FMNL2: variants seen among roughly 807,000 people sequenced by gnomAD.
The protein encoded by FMNL2 is formin like 2.
A neutral mutation model predicts 130.2 loss-of-function variants in FMNL2; 51 were observed. The observed-to-expected ratio is 0.39, with a 90% CI of 0.31 to 0.49. The LOEUF is 0.49. Among genes scored for constraint, FMNL2 ranks in the 20% least tolerant of loss-of-function variants. The pLI is 0.85. For synonymous variants in FMNL2, 465 were observed against 467.1 expected (o/e 1.00, Z 0.06); for missense variants, 977 against 1,316.2 (o/e 0.74, Z 3.99).
At chr2:152,606,595 C>T (rs1698365435) in intron 9 of FMNL2, among the ~76,000 whole-genome samples, 1 of 149,764 alleles carries the variant, frequency 6.7e-6, no homozygotes, top group Admixed American at 6.7e-5. Flanking sequence ...AAAAAAGTCC[C>T]CAGAGAGTCA....
intron 2 of FMNL2, among the ~76,000 whole-genome samples, chr2:152,527,929 G>C (rs1020206817): frequency 6.6e-6 from 1 of 152,134 alleles, no homozygotes; most frequent in Admixed American, 6.5e-5. Flanking sequence ...TAGTATTAGA[G>C]ATGAGGAAGT....
rs1199394283 is a variant in FMNL2, at chr2:152,335,341, C to T, written c.-263C>T. 3 of 217,224 alleles carry T rather than the reference C, an allele frequency of 1.4e-5. No homozygotes were observed. The highest frequency in any genetic ancestry group is 4.6e-5 in the African/African-American group (2 of 43,182). 13.5% of individuals were successfully genotyped at this position (217,224 alleles called of 1,614,324 possible). A position where few individuals can be genotyped will look rare whatever the true frequency, so the allele number is the denominator to read the frequency against. ...CAGCGGAGCACCATGCACATAGGCG[C>T]CCAGCGCCCCAACTACCCCTCCCGA... On this transcript the variant is annotated 5_prime_UTR_variant, in exon 1 of 26. Transcript: ENST00000288670.
At chr2:152,414,927 T>C (rs1316939839) in intron 1 of FMNL2, among the ~76,000 whole-genome samples, 1 of 152,166 alleles carries the variant, frequency 6.6e-6, no homozygotes, top group African/African-American at 2.4e-5. Context: ...GATGGAGACC[T>C]TGGGTGTCTA....
intron 2 of FMNL2, among the ~76,000 whole-genome samples, chr2:152,534,716 G>A (rs1274168916): frequency 6.6e-6 from 1 of 152,066 alleles, no homozygotes; most frequent in Non-Finnish European, 1.5e-5. Context: ...AGTAAGAGGA[G>A]TAGGATTAAA....
chr2:152,635,508 A>G (rs192290899), intron 21 of FMNL2, among the ~76,000 whole-genome samples: 6 of 152,388 alleles, frequency 3.9e-5, no homozygotes, highest in Admixed American at 3.9e-4. Context: ...TCATTAGCAA[A>G]AAAAGTGAGA....
At chr2:152,564,776 G>GTTTTTT (rs56378937) in intron 6 of FMNL2, among the ~76,000 whole-genome samples, 4,087 of 79,116 alleles carry the variant, frequency 0.052, 347 homozygotes, top group African/African-American at 0.13. Context: ...TACAAGGTTG[G>GTTTTTT]TTTTTTTTTT....
intron 1 of FMNL2, among the ~76,000 whole-genome samples, chr2:152,349,124 C>T (rs572286294): frequency 4.8e-5 from 6 of 125,840 alleles, no homozygotes; most frequent in Admixed American, 7.3e-5. Flanking sequence ...CGTGAGCCAC[C>T]GCGCCCGGCC....
At chr2:152,336,007 C>T (rs2105700517) in intron 1 of FMNL2, among the ~76,000 whole-genome samples, 1 of 151,914 alleles carries the variant, frequency 6.6e-6, no homozygotes, top group East Asian at 1.9e-4. Flanking sequence ...GGCGCGTGTG[C>T]CCGGGAGGTG....
chr2:152,559,805 T>G (rs1393240407), intron 5 of FMNL2, among the ~76,000 whole-genome samples: 2 of 152,148 alleles, frequency 1.3e-5, no homozygotes, highest in African/African-American at 4.8e-5. Flanking sequence ...CAGTTAAAAT[T>G]TTATTAGATT....
intron 1 of FMNL2, among the ~76,000 whole-genome samples, chr2:152,514,772 C>A (rs577028073): frequency 1.3e-5 from 2 of 152,264 alleles, no homozygotes; most frequent in East Asian, 1.9e-4. Context: ...CTCTCTCTCA[C>A]AAAATATCTT....
chr2:152,484,045 C>T (rs942681221), intron 1 of FMNL2, among the ~76,000 whole-genome samples: 6 of 152,154 alleles, frequency 3.9e-5, no homozygotes, highest in Admixed American at 3.3e-4. Flanking sequence ...CTACACTGGT[C>T]AGTGGTGTTG....
Position 152,573,529 on chromosome 2 carries a change from G to A in FMNL2, c.597-1607G>A, listed in dbSNP as rs563608670. Among the ~76,000 whole-genome samples, 4 of 152,182 alleles carry A rather than the reference G, an allele frequency of 2.6e-5. No homozygotes were observed. The East Asian group carries it at 7.7e-4, about 29-fold the overall frequency. On this transcript the variant is annotated intron_variant, in intron 6 of 25. Transcript: ENST00000288670. The stretch of plus-strand genomic sequence containing the variant: ...TGCTATGTAGATGTAATGTCTCTGG[G>A]CTTCCGTTTTCTTAACTGTATCAAG...
chr2:152,445,464 T>C (rs1688281164), intron 1 of FMNL2, among the ~76,000 whole-genome samples: 1 of 152,232 alleles, frequency 6.6e-6, no homozygotes, highest in South Asian at 2.1e-4. Flanking sequence ...CACTAGCTGC[T>C]GAGTTAGTGA....
At position 152,391,944 on chromosome 2, in the gene FMNL2, G is replaced by A. The variant is rs553558161; in HGVS notation, c.117+56224G>A. Among the ~76,000 whole-genome samples the A allele has an allele frequency of 1.4e-4, 17 of 124,680 alleles. No individual in the cohort carries two copies. The South Asian group carries it at 2.2e-3, about 16-fold the overall frequency. 81.8% of individuals were successfully genotyped at this position (124,680 alleles called of 152,430 possible). A position where few individuals can be genotyped will look rare whatever the true frequency, so the allele number is the denominator to read the frequency against. Reference sequence around the variant, plus strand: ...TTTTTTTTCAAACCCATATTGTCTCGAAAACATCTACCTTAGGATCTATTC... The same window carrying A: ...TTTTTTTTCAAACCCATATTGTCTCAAAAACATCTACCTTAGGATCTATTC... On this transcript the variant is annotated intron_variant, in intron 1 of 25. Transcript: ENST00000288670.
chr2:152,398,999 A>T (rs1685542236), intron 1 of FMNL2, among the ~76,000 whole-genome samples: 1 of 152,208 alleles, frequency 6.6e-6, no homozygotes, highest in African/African-American at 2.4e-5. Context: ...GGAGCCAAAG[A>T]GAGAAGAATG....
At chr2:152,519,704 C>T (rs1314027242) in intron 1 of FMNL2, among the ~76,000 whole-genome samples, 1 of 152,184 alleles carries the variant, frequency 6.6e-6, no homozygotes, top group Non-Finnish European at 1.5e-5. Context: ...GTCTATTTCC[C>T]TATGTTAAAT....
chr2:152,444,595 G>C (rs967432938), intron 1 of FMNL2, among the ~76,000 whole-genome samples: 1 of 152,164 alleles, frequency 6.6e-6, no homozygotes, highest in African/African-American at 2.4e-5. Context: ...TATCCTAATG[G>C]GAGGTAGTGA....
intron 1 of FMNL2, among the ~76,000 whole-genome samples, chr2:152,444,981 C>T (rs1558868847): frequency 6.6e-6 from 1 of 152,228 alleles, no homozygotes; most frequent in Non-Finnish European, 1.5e-5. Flanking sequence ...CTGTCGTTCT[C>T]CTCTGGCAAA....
chr2:152,380,301 G>A (rs1030104667), intron 1 of FMNL2, among the ~76,000 whole-genome samples: 1 of 152,158 alleles, frequency 6.6e-6, no homozygotes, highest in Non-Finnish European at 1.5e-5. Context: ...TAACCTTGGT[G>A]AGCCTTGGAA....
Sources: gnomAD v4.1 joint callset for allele counts (sites outside exome capture counted in the v4.1 genomes callset) on GRCh38, gnomAD v4.1.1 for gene constraint, MANE v1.5 for transcripts, NCBI Gene and HGNC (gene_info 2026-07-23, HGNC 2026-07-21) for gene names.